Variants in ARHGAP18 observed in about 807,000 individuals in gnomAD.
The protein encoded by ARHGAP18 is Rho GTPase activating protein 18.
Under a neutral mutation model 86.2 loss-of-function variants are expected in ARHGAP18, and 67 were observed. The ratio of observed to expected loss-of-function variants is 0.78; its 90% CI spans 0.64 to 0.95. The LOEUF (loss-of-function observed/expected upper bound fraction) is 0.95. Among genes scored for constraint, ARHGAP18 ranks in the 40% least tolerant of loss-of-function variants. The probability of loss-of-function intolerance (pLI) is 0.00; values close to 1 mark genes in which losing one functional copy is unlikely to be tolerated. For missense variants in ARHGAP18, 691 were observed against 780.4 expected (o/e 0.89, Z 1.37); for synonymous variants, 283 against 280.4 (o/e 1.01, Z -0.09).
chr6:129,706,876 ACT>A (rs1337547184), intron 1 of ARHGAP18, among the ~76,000 whole-genome samples: 3 of 114,492 alleles, frequency 2.6e-5, no homozygotes, highest in African/African-American at 1.1e-4. Flanking sequence ...ACAGAGTAAG[ACT>A]CTGTCTCAAA....
At chr6:129,621,655 T>G (rs1183647753) in intron 5 of ARHGAP18, among the ~76,000 whole-genome samples, 4 of 152,154 alleles carry the variant, frequency 2.6e-5, no homozygotes, top group Admixed American at 6.5e-5. Flanking sequence ...TAAATAGCAC[T>G]CAAAAAGTAT....
chr6:129,595,397 T>C (rs1788596524), intron 12 of ARHGAP18, among the ~76,000 whole-genome samples: 1 of 152,194 alleles, frequency 6.6e-6, no homozygotes, highest in African/African-American at 2.4e-5. Context: ...TTTTGGTCAG[T>C]GTAAGAAAAT....
At chr6:129,618,013 T>A (rs1237709331) in intron 6 of ARHGAP18, among the ~76,000 whole-genome samples, 1 of 152,034 alleles carries the variant, frequency 6.6e-6, no homozygotes, top group African/African-American at 2.4e-5. Context: ...TACCAATAAA[T>A]TACTGGAGAA....
At chr6:129,693,144 C>G (rs1774556272) in intron 1 of ARHGAP18, among the ~76,000 whole-genome samples, 1 of 152,152 alleles carries the variant, frequency 6.6e-6, no homozygotes, top group Non-Finnish European at 1.5e-5. Flanking sequence ...GTTTCACACC[C>G]AAAGAGAATT....
At chr6:129,625,356 ATTATGTATATT>A (rs1789369293) in intron 5 of ARHGAP18, among the ~76,000 whole-genome samples, 1 of 71,188 alleles carries the variant, frequency 1.4e-5, no homozygotes. Context: ...TGTAATATAT[ATTATGTATATT>A]TATATATATT....
At chr6:129,693,800 C>T (rs755549060) in intron 1 of ARHGAP18, among the ~76,000 whole-genome samples, 2 of 152,146 alleles carry the variant, frequency 1.3e-5, no homozygotes, top group South Asian at 2.1e-4. Flanking sequence ...TAATAATTCT[C>T]ATCTTATGAG....
At chr6:129,646,631 AAT>A (rs1042035832) in intron 1 of ARHGAP18, among the ~76,000 whole-genome samples, 26 of 152,334 alleles carry the variant, frequency 1.7e-4, no homozygotes, top group Middle Eastern at 3.4e-3. Context: ...TTCAAATAAA[AAT>A]AGTGAGATGA....
chr6:129,651,705 C>T (rs1043045338), intron 1 of ARHGAP18, among the ~76,000 whole-genome samples: 1 of 152,142 alleles, frequency 6.6e-6, no homozygotes, highest in Non-Finnish European at 1.5e-5. Flanking sequence ...GTAAGAATTT[C>T]ATCTCCTCTC....
At chr6:129,691,228 C>T (rs11759328) in intron 1 of ARHGAP18, among the ~76,000 whole-genome samples, 22,478 of 152,192 alleles carry the variant, frequency 0.15, 1,845 homozygotes, top group Non-Finnish European at 0.19. Context: ...CTTTCCCTAA[C>T]CTTATGCCTT....
intron 1 of ARHGAP18, among the ~76,000 whole-genome samples, chr6:129,649,445 T>C (rs933484624): frequency 5.3e-5 from 8 of 150,414 alleles, no homozygotes; most frequent in Admixed American, 3.3e-4. Flanking sequence ...TCCCAGCTAC[T>C]CTGGAGGCTG....
intron 1 of ARHGAP18, among the ~76,000 whole-genome samples, chr6:129,689,695 G>A (rs1262996861): frequency 7.9e-5 from 12 of 152,108 alleles, no homozygotes; most frequent in African/African-American, 1.9e-4. Flanking sequence ...TTATAGGTTC[G>A]CATTAAAATG....
At chr6:129,599,125 A>T in intron 12 of ARHGAP18, 91 bp downstream of exon 12, 1 of 1,116,910 alleles carries the variant, frequency 9.0e-7, no homozygotes, top group Non-Finnish European at 1.2e-6. Context: ...AAGTGGCAGA[A>T]AGTCATACTA....
intron 5 of ARHGAP18, among the ~76,000 whole-genome samples, chr6:129,628,848 C>A (rs1401819540): frequency 1.3e-5 from 2 of 151,986 alleles, no homozygotes; most frequent in South Asian, 4.1e-4. Flanking sequence ...CTATAAAGAA[C>A]AATATTGTGA....
intron 1 of ARHGAP18, among the ~76,000 whole-genome samples, chr6:129,686,098 G>A (rs1033087183): frequency 4.6e-5 from 7 of 152,138 alleles, no homozygotes; most frequent in African/African-American, 1.7e-4. Context: ...CCCTAACACC[G>A]AGCTCTCCCG....
chr6:129,615,257 A>T (rs1015185187), intron 7 of ARHGAP18, among the ~76,000 whole-genome samples: 2 of 152,224 alleles, frequency 1.3e-5, no homozygotes, highest in Non-Finnish European at 2.9e-5. Context: ...TACTGCTGAC[A>T]GCTCTCCATA....
chr6:129,650,979 C>T (rs1247997375), intron 1 of ARHGAP18, among the ~76,000 whole-genome samples: 1 of 152,118 alleles, frequency 6.6e-6, no homozygotes, highest in Admixed American at 6.5e-5. Flanking sequence ...CGTGTGTCCC[C>T]ACCATTAAAT....
chr6:129,605,134 AT>A (rs906561849), intron 10 of ARHGAP18, among the ~76,000 whole-genome samples: 1 of 152,016 alleles, frequency 6.6e-6, no homozygotes, highest in South Asian at 2.1e-4. Flanking sequence ...TACTAAGTTA[AT>A]TTTTTTTCCT....
At chr6:129,601,552 A>G (rs1023049389) in intron 10 of ARHGAP18, among the ~76,000 whole-genome samples, 2 of 152,090 alleles carry the variant, frequency 1.3e-5, no homozygotes, top group African/African-American at 4.8e-5. Context: ...AGAGAAAAGA[A>G]AAGAGAAAAG....
intron 1 of ARHGAP18, among the ~76,000 whole-genome samples, chr6:129,669,743 C>G (rs1031517890): frequency 6.6e-6 from 1 of 151,558 alleles, no homozygotes; most frequent in Non-Finnish European, 1.5e-5. Context: ...CGAGATCATG[C>G]CACTGCACTC....
Sources: gnomAD v4.1 joint callset for allele counts (sites outside exome capture counted in the v4.1 genomes callset) on GRCh38, gnomAD v4.1.1 for gene constraint, MANE v1.5 for transcripts, NCBI Gene and HGNC (gene_info 2026-07-23, HGNC 2026-07-21) for gene names.